The following SDK1 variants were observed in gnomAD, a reference collection of about 807,000 sequenced individuals.
SDK1 encodes the protein sidekick cell adhesion molecule 1.
Under a neutral mutation model 245.5 loss-of-function variants are expected in SDK1, and 157 were observed. The observed-to-expected ratio is 0.64, with a 90% CI of 0.56 to 0.73. SDK1 has a LOEUF of 0.73. Among genes scored for constraint, SDK1 ranks in the 30% least tolerant of loss-of-function variants. The pLI is 0.00. For missense variants in SDK1, 3,583 were observed against 3,002.3 expected (o/e 1.19, Z -4.52); for synonymous variants, 1,647 against 1,278.5 (o/e 1.29, Z -6.15).
intron 35 of SDK1, among the ~76,000 whole-genome samples, chr7:4,196,223 CT>C (rs1316244273): frequency 6.6e-6 from 1 of 152,188 alleles, no homozygotes; most frequent in East Asian, 1.9e-4. Context: ...ATTCCAGGCC[CT>C]TGCCAACAGG....
chr7:3,975,447 G>C (rs1461698889), intron 13 of SDK1, among the ~76,000 whole-genome samples: 1 of 152,108 alleles, frequency 6.6e-6, no homozygotes, highest in African/African-American at 2.4e-5. Context: ...CTTTGATCCA[G>C]GAAAGATTCT....
intron 5 of SDK1, among the ~76,000 whole-genome samples, chr7:3,923,035 C>T (rs1242782037): frequency 6.6e-6 from 1 of 152,312 alleles, no homozygotes; most frequent in South Asian, 2.1e-4. Flanking sequence ...CCAGTCTGTT[C>T]TTTCGAGCTT....
chr7:4,052,067 G>A (rs1242498343), intron 19 of SDK1, among the ~76,000 whole-genome samples: 2 of 152,034 alleles, frequency 1.3e-5, no homozygotes, highest in Non-Finnish European at 2.9e-5. Flanking sequence ...GGGGACAGGG[G>A]GTGGAGAATC....
chr7:3,416,958 A>C (rs1302816931), intron 1 of SDK1, among the ~76,000 whole-genome samples: 3 of 152,174 alleles, frequency 2.0e-5, no homozygotes, highest in South Asian at 2.1e-4. Flanking sequence ...GGATCACCTG[A>C]GGTCAGGAGT....
At chr7:3,402,274 T>C (rs182326870) in intron 1 of SDK1, among the ~76,000 whole-genome samples, 303 of 152,274 alleles carry the variant, frequency 2.0e-3, no homozygotes, top group Non-Finnish European at 3.5e-3. Context: ...ATGAATGATA[T>C]CTGTTATAAA....
intron 5 of SDK1, among the ~76,000 whole-genome samples, chr7:3,901,590 C>A (rs914737007): frequency 6.6e-6 from 1 of 152,138 alleles, no homozygotes; most frequent in Non-Finnish European, 1.5e-5. Context: ...AAATGGGGAC[C>A]AACAGGTTTG....
At position 3,301,543 on chromosome 7, in the gene SDK1, C is replaced by T. The variant is rs1222011516; in HGVS notation, c.-44C>T. On this transcript the variant is annotated 5_prime_UTR_variant, in exon 1 of 45. Coordinates refer to ENST00000404826, the MANE Select transcript of SDK1 (RefSeq NM_152744.4). ...TCGGAGCCGTCCCGCCTGTCCTGCC[C>T]GCCCGTCCGTCCGGCGCGGCGCTCG... is the stretch of plus-strand genomic sequence containing the variant. 8.3e-6 allele frequency: 6 copies of T among 725,636 alleles called. No individual in the cohort carries two copies. Among genetic ancestry groups the T allele is most frequent in the East Asian group, 1.3e-4 (1 of 7,502 alleles). 44.9% of individuals were successfully genotyped at this position (725,636 alleles called of 1,614,324 possible).
intron 1 of SDK1, among the ~76,000 whole-genome samples, chr7:3,553,521 G>A (rs574176239): frequency 2.6e-5 from 4 of 152,280 alleles, no homozygotes; most frequent in Admixed American, 2.6e-4. Flanking sequence ...TCACCCATCA[G>A]GAGAGGCAGA....
At chr7:3,751,252 G>C (rs2115064532) in intron 4 of SDK1, among the ~76,000 whole-genome samples, 1 of 152,270 alleles carries the variant, frequency 6.6e-6, no homozygotes, top group South Asian at 2.1e-4. Context: ...CTGAAGGTCT[G>C]ATGATCCTTC....
intron 1 of SDK1, among the ~76,000 whole-genome samples, chr7:3,561,969 C>T (rs538964316): frequency 1.3e-5 from 2 of 152,178 alleles, no homozygotes; most frequent in South Asian, 2.1e-4. Flanking sequence ...GAAAGATTAA[C>T]ACAAATGCTG....
At chr7:3,483,143 T>G (rs1781570395) in intron 1 of SDK1, among the ~76,000 whole-genome samples, 1 of 152,196 alleles carries the variant, frequency 6.6e-6, no homozygotes. Flanking sequence ...AAAATCATGT[T>G]TGAATTTTGA....
rs2128539262 is a variant in SDK1, at chr7:3,301,671, C to A, written c.85C>A (p.Arg29=). ...PPERAGPGRP[R]GSPPGRARPS... Reference sequence around the variant, plus strand: ...TGAGCGCGCGGGCCCCGGGCGGCCGCGGGGATCCCCGCCCGGCCGCGCCCG... The same window carrying A: ...TGAGCGCGCGGGCCCCGGGCGGCCGAGGGGATCCCCGCCCGGCCGCGCCCG... Residue 29 remains arginine (R), a synonymous_variant, in exon 1 of 45, where the codon CGG becomes AGG. Transcript: ENST00000404826. 24 of 973,742 alleles carry A rather than the reference C, an allele frequency of 2.5e-5. No homozygotes were observed. Among genetic ancestry groups the A allele is most frequent in the Non-Finnish European group, 2.9e-5 (24 of 824,116 alleles). The allele number at this position is 973,742 out of a possible 1,614,324, so 60.3% of individuals were successfully genotyped here.
At chr7:3,775,868 G>A (rs1024206712) in intron 4 of SDK1, among the ~76,000 whole-genome samples, 15 of 152,064 alleles carry the variant, frequency 9.9e-5, no homozygotes, top group African/African-American at 3.6e-4. Flanking sequence ...GAGCCACCGC[G>A]CCCGGCCTAG....
chr7:3,439,400 G>A (rs972510856), intron 1 of SDK1, among the ~76,000 whole-genome samples: 4 of 152,044 alleles, frequency 2.6e-5, no homozygotes, highest in Non-Finnish European at 4.4e-5. Flanking sequence ...CTACTGTTGC[G>A]CTCCTTACAA....
chr7:4,259,900 C>T (rs1000709731), intron 44 of SDK1, among the ~76,000 whole-genome samples: 1 of 152,182 alleles, frequency 6.6e-6, no homozygotes, highest in Non-Finnish European at 1.5e-5. Flanking sequence ...TCCCACCCAG[C>T]CTCTCTCGCT....
intron 20 of SDK1, among the ~76,000 whole-genome samples, chr7:4,072,649 C>T (rs972233763): frequency 2.6e-5 from 4 of 152,208 alleles, no homozygotes; most frequent in African/African-American, 4.8e-5. Context: ...ACCTGGCTGC[C>T]GGTTTCTGGA....
intron 1 of SDK1, among the ~76,000 whole-genome samples, chr7:3,584,933 C>G (rs542415354): frequency 2.0e-5 from 3 of 152,150 alleles, no homozygotes; most frequent in Admixed American, 6.5e-5. Context: ...ACCGTGTTAG[C>G]CAGGATGGTC....
chr7:4,101,966 C>T (rs1436886794), intron 22 of SDK1, among the ~76,000 whole-genome samples: 5 of 152,102 alleles, frequency 3.3e-5, no homozygotes, highest in African/African-American at 1.2e-4. Flanking sequence ...GAACAAAGCC[C>T]ATCACTCCAC....
Position 4,268,842 on chromosome 7 carries a change from GT to G in SDK1, c.*3461del. On this transcript the variant is annotated 3_prime_UTR_variant, in exon 45 of 45. Transcript: ENST00000404826. ...CGTCTCCTTCCCGCGTCACCTTCTG[GT>G]TTAGGGAGCCGTCAGGTCCCTAAAC... is the stretch of plus-strand genomic sequence containing the variant. The G allele has an allele frequency of 1.1e-6, 1 of 948,200 alleles. No homozygotes were observed. The highest frequency in any genetic ancestry group is 1.5e-6 in the Non-Finnish European group (1 of 647,480). The allele number at this position is 948,200 out of a possible 1,614,324, so 58.7% of individuals were successfully genotyped here.
Sources: allele counts gnomAD v4.1 joint callset (sites outside exome capture counted in the v4.1 genomes callset), GRCh38; gene constraint gnomAD v4.1.1; transcripts MANE v1.5; gene names NCBI Gene and HGNC (gene_info 2026-07-23, HGNC 2026-07-21).